The following TRIM42 variants were observed in gnomAD, a reference collection of about 807,000 sequenced individuals.
TRIM42 encodes tripartite motif-containing protein 42.
A neutral mutation model predicts 64.9 loss-of-function variants in TRIM42; 59 were observed. The ratio of observed to expected loss-of-function variants is 0.91; its 90% CI spans 0.74 to 1.13. The LOEUF is 1.13. Ranked by LOEUF, TRIM42 falls within the 50% of genes most tolerant of loss-of-function variation. The probability of loss-of-function intolerance (pLI) is 0.00; values close to 1 mark genes in which losing one functional copy is unlikely to be tolerated. For missense variants in TRIM42, 878 were observed against 929.5 expected (o/e 0.94, Z 0.72); for synonymous variants, 354 against 346.3 (o/e 1.02, Z -0.25).
intron 4 of TRIM42, among the ~76,000 whole-genome samples, chr3:140,694,632 G>A (rs568673451): frequency 4.6e-5 from 7 of 152,134 alleles, no homozygotes; most frequent in Non-Finnish European, 1.0e-4. Flanking sequence ...CAAATTAGTA[G>A]TTTAAATAAT....
intron 4 of TRIM42, among the ~76,000 whole-genome samples, chr3:140,697,814 G>C (rs981249397): frequency 3.3e-5 from 5 of 152,190 alleles, no homozygotes; most frequent in African/African-American, 1.2e-4. Flanking sequence ...CTCCCTAGTA[G>C]CTGGGACTAC....
intron 4 of TRIM42, among the ~76,000 whole-genome samples, chr3:140,700,126 A>T (rs1392737241): frequency 1.3e-5 from 2 of 152,238 alleles, no homozygotes; most frequent in East Asian, 3.9e-4. Flanking sequence ...AGGAATGGGA[A>T]TGCTGCCAGA....
intron 4 of TRIM42, among the ~76,000 whole-genome samples, chr3:140,696,404 G>A (rs1157914641): frequency 1.3e-5 from 2 of 152,026 alleles, no homozygotes; most frequent in Non-Finnish European, 2.9e-5. Flanking sequence ...ATGTGCATTT[G>A]TTCACCACAT....
intron 4 of TRIM42, among the ~76,000 whole-genome samples, chr3:140,692,425 T>C (rs1988740868): frequency 6.6e-6 from 1 of 151,822 alleles, no homozygotes; most frequent in Non-Finnish European, 1.5e-5. Flanking sequence ...AGTATACCAA[T>C]AGCAAATCTC....
At position 140,678,338 on chromosome 3, in the gene TRIM42, T is replaced by G; in HGVS notation, c.109T>G (p.Cys37Gly). Residue 37 changes from cysteine to glycine, a missense_variant, in exon 1 of 5, where the codon TGC becomes GGC. Transcript: ENST00000286349. The stretch of plus-strand genomic sequence containing the variant: ...GTTCATCTTCACCTCAGAGCGGAAC[T>G]GCACCTGCTTCCCCTGCCCTTACAA... Reference protein sequence around the residue: ...CKFIFTSERNCTCFPCPYKDE... With the variant: ...CKFIFTSERNGTCFPCPYKDE... The G allele has an allele frequency of 6.2e-7, 1 of 1,614,228 alleles. No individual in the cohort carries two copies. The highest frequency in any genetic ancestry group is 8.5e-7 in the Non-Finnish European group (1 of 1,180,044).
intron 2 of TRIM42, among the ~76,000 whole-genome samples, chr3:140,686,578 C>T (rs60534814): frequency 0.018 from 2,680 of 152,282 alleles, 57 homozygotes; most frequent in East Asian, 0.12. Context: ...TATTCAAGTG[C>T]ACACCCTTGT....
intron 1 of TRIM42, among the ~76,000 whole-genome samples, chr3:140,681,647 G>GAAA (rs5852991): frequency 2.0e-5 from 3 of 149,318 alleles, no homozygotes; most frequent in Non-Finnish European, 3.0e-5. Context: ...TGTCCTCCAG[G>GAAA]AAAAAAAAAA....
At chr3:140,680,716 A>C in intron 1 of TRIM42, 1 of 985,388 alleles carries the variant, frequency 1.0e-6, no homozygotes, top group Non-Finnish European at 1.2e-6. Context: ...AATAGAGGTG[A>C]GAACATCGAG....
rs374532231 is a variant in TRIM42, at chr3:140,690,965, T to C, written c.1861-3T>C. The C allele has an allele frequency of 6.7e-5, 108 of 1,609,260 alleles. No individual in the cohort carries two copies. The highest frequency in any genetic ancestry group is 1.6e-4 in the Middle Eastern group (1 of 6,078). On this transcript the variant is annotated splice_polypyrimidine_tract_variant and splice_region_variant and intron_variant, in intron 3 of 4. Transcript: ENST00000286349. The stretch of plus-strand genomic sequence containing the variant: ...CACACCAGTATGTTCATTTCTTCCA[T>C]AGGTTTACTGGACATGTCCAGCAGA...
In TRIM42 at chr3:140,700,959, C is replaced by T. The variant is rs1415754559; in HGVS notation, c.2157C>T (p.Leu719=). The T allele has an allele frequency of 2.5e-6, 4 of 1,614,042 alleles. No homozygotes were observed. Among genetic ancestry groups the T allele is most frequent in the Non-Finnish European group, 3.4e-6 (4 of 1,179,912 alleles). ...WGLLKNIQSA[L]QKHF ...TGCTGAAGAATATCCAGTCTGCCCT[C>T]CAGAAGCACTTCTGAGCCCCTTCAG... Residue 719 remains leucine, a synonymous_variant, in exon 5 of 5, where the codon CTC becomes CTT. Coordinates refer to ENST00000286349, the MANE Select transcript of TRIM42 (RefSeq NM_152616.5).
At chr3:140,695,904 A>T (rs980178873) in intron 4 of TRIM42, among the ~76,000 whole-genome samples, 1 of 152,136 alleles carries the variant, frequency 6.6e-6, no homozygotes, top group Non-Finnish European at 1.5e-5. Context: ...TGAAACCAAG[A>T]TGGTTTGCAT....
intron 2 of TRIM42, among the ~76,000 whole-genome samples, chr3:140,686,230 G>A (rs965921626): frequency 3.9e-5 from 6 of 152,124 alleles, no homozygotes. Context: ...AGAAAATAAT[G>A]CGCAAAGTAG....
At position 140,688,058 on chromosome 3, in the gene TRIM42, C is replaced by T. The variant is rs1576418441; in HGVS notation, c.1376C>T (p.Thr459Ile). 3.7e-6 allele frequency: 6 copies of T among 1,614,198 alleles called. No individual in the cohort carries two copies. In the East Asian group the frequency reaches 1.3e-4, roughly 36 times the overall value. ...GACCAGATCGAGGACGGCATCCAGA[C>T]CACCTACAGGCCTGACCCACAGCTC... is the stretch of plus-strand genomic sequence containing the variant. ...LVDQIEDGIQ[T>I]TYRPDPQLRL... Residue 459 changes from threonine to isoleucine, a missense_variant, in exon 3 of 5, where the codon ACC becomes ATC. By Grantham distance (89) the Thr-to-Ile change is moderately conservative (BLOSUM62 -1). Transcript: ENST00000286349.
Position 140,700,751 on chromosome 3 carries a change from A to G in TRIM42, c.2086-137A>G. ...TCTGAGCCTCAGCTTCTTCATCTATAAAGTGGCACCAACAGCCACTGTGGT... is the reference window on the plus strand; with the variant it reads ...TCTGAGCCTCAGCTTCTTCATCTATGAAGTGGCACCAACAGCCACTGTGGT... On this transcript the variant is annotated intron_variant, in intron 4 of 4. Coordinates refer to ENST00000286349, the MANE Select transcript of TRIM42 (RefSeq NM_152616.5). 3 of 684,040 alleles carry G rather than the reference A, an allele frequency of 4.4e-6. 1 individual carries two copies. In the South Asian group the frequency reaches 5.6e-5, roughly 13 times the overall value. The allele number at this position is 684,040 out of a possible 1,614,324, so 42.4% of individuals were successfully genotyped here.
intron 3 of TRIM42, among the ~76,000 whole-genome samples, chr3:140,690,523 GT>G (rs1358626251): frequency 9.0e-6 from 1 of 110,770 alleles, no homozygotes; most frequent in Non-Finnish European, 1.7e-5. Context: ...CTTAATCCAA[GT>G]TTTTATGTAT....
chr3:140,683,253 A>T, intron 2 of TRIM42, 94 bp downstream of exon 2: 1 of 1,289,866 alleles, frequency 7.8e-7, no homozygotes, highest in Non-Finnish European at 1.1e-6. Context: ...GTGCCTTAAC[A>T]GATTCCACCT....
intron 3 of TRIM42, among the ~76,000 whole-genome samples, chr3:140,690,047 A>C (rs1988665530): frequency 2.6e-5 from 4 of 152,152 alleles, no homozygotes; most frequent in Non-Finnish European, 1.5e-5. Flanking sequence ...AGGACACCTA[A>C]ACCTACTGCC....
intron 3 of TRIM42, among the ~76,000 whole-genome samples, chr3:140,690,089 G>A (rs896200184): frequency 6.6e-6 from 1 of 152,100 alleles, no homozygotes; most frequent in African/African-American, 2.4e-5. Context: ...AAATATCATC[G>A]ATTCATATTT....
chr3:140,695,381 G>C (rs1988821753), intron 4 of TRIM42, among the ~76,000 whole-genome samples: 1 of 152,204 alleles, frequency 6.6e-6, no homozygotes, highest in Admixed American at 6.5e-5. Flanking sequence ...ACCACAATCT[G>C]TAAAGTGGAT....
Sources: allele counts gnomAD v4.1 joint callset (sites outside exome capture counted in the v4.1 genomes callset), GRCh38; gene constraint gnomAD v4.1.1; transcripts MANE v1.5; gene names NCBI Gene and HGNC (gene_info 2026-07-23, HGNC 2026-07-21).